Variants in ROBO1 observed in about 807,000 individuals in gnomAD.
ROBO1 encodes the protein roundabout homolog 1.
Under a neutral mutation model 195.9 loss-of-function variants are expected in ROBO1, and 149 were observed. The ratio of observed to expected loss-of-function variants is 0.76; its 90% CI spans 0.67 to 0.87. The LOEUF (loss-of-function observed/expected upper bound fraction) is 0.87, where lower values mean the gene tolerates loss of function less well. Ranked by LOEUF, ROBO1 falls within the 40% of genes least tolerant of loss-of-function variation. The pLI, the probability that ROBO1 is intolerant of heterozygous loss-of-function variation, is 0.00. For synonymous variants in ROBO1, 816 were observed against 733.2 expected (o/e 1.11, Z -1.82); for missense variants, 1,933 against 2,068.3 (o/e 0.93, Z 1.27).
Position 78,635,942 on chromosome 3 carries a change from C to A in ROBO1, c.3204G>T (p.Gly1068=). 6.2e-7 allele frequency: 1 copy of A among 1,613,890 alleles called. No homozygotes were observed. The highest frequency in any genetic ancestry group is 8.5e-7 in the Non-Finnish European group (1 of 1,179,842). The change falls in exon 23 of 31, where the codon GGG becomes GGT. Residue 1068 remains glycine, a synonymous_variant. Coordinates refer to ENST00000464233, the MANE Select transcript of ROBO1 (RefSeq NM_002941.4). ...LKDGRFVNPS[G]QPTPYATTQL... ...GAGTGGTGGCGTAAGGAGTAGGCTG[C>A]CCTGATGGATTGACAAAACGCCCAT...
chr3:79,496,010 G>A (rs1174040245), intron 2 of ROBO1, among the ~76,000 whole-genome samples: 4 of 151,732 alleles, frequency 2.6e-5, no homozygotes, highest in Non-Finnish European at 5.9e-5. Flanking sequence ...TTTAGGAGTT[G>A]GAGACCAGCC....
chr3:79,652,537 C>T (rs938163362), intron 1 of ROBO1, among the ~76,000 whole-genome samples: 8 of 152,178 alleles, frequency 5.3e-5, no homozygotes, highest in Non-Finnish European at 7.4e-5. Flanking sequence ...ACAGGATTAA[C>T]AGAAGAATCT....
At chr3:79,510,810 A>AT (rs1410138835) in intron 2 of ROBO1, among the ~76,000 whole-genome samples, 2 of 152,234 alleles carry the variant, frequency 1.3e-5, no homozygotes, top group East Asian at 3.9e-4. Flanking sequence ...GTATTCTGAC[A>AT]TTTTTGGATT....
chr3:79,330,275 A>G (rs1001990437), intron 2 of ROBO1, among the ~76,000 whole-genome samples: 52 of 144,184 alleles, frequency 3.6e-4, no homozygotes, highest in Non-Finnish European at 6.5e-4. Flanking sequence ...ATATATATGT[A>G]TATATATATA....
At chr3:79,588,678 G>C (rs1174977842) in intron 2 of ROBO1, among the ~76,000 whole-genome samples, 1 of 151,662 alleles carries the variant, frequency 6.6e-6, no homozygotes, top group Non-Finnish European at 1.5e-5. Context: ...ATACTCAACA[G>C]AGTTGTGGCA....
At chr3:79,685,874 G>C (rs1409847413) in intron 1 of ROBO1, among the ~76,000 whole-genome samples, 1 of 152,104 alleles carries the variant, frequency 6.6e-6, no homozygotes, top group African/African-American at 2.4e-5. Context: ...CATTTTATGA[G>C]GCCAGCATCA....
At chr3:79,366,993 T>G (rs1361481635) in intron 2 of ROBO1, among the ~76,000 whole-genome samples, 1 of 152,194 alleles carries the variant, frequency 6.6e-6, no homozygotes, top group Admixed American at 6.5e-5. Context: ...CCATGAAAGC[T>G]CAAATTACAC....
intron 2 of ROBO1, among the ~76,000 whole-genome samples, chr3:79,472,152 T>C (rs1300934088): frequency 1.3e-5 from 2 of 152,060 alleles, no homozygotes; most frequent in Admixed American, 6.6e-5. Flanking sequence ...TGTGCCCAAA[T>C]GAATGCATGG....
In ROBO1 at chr3:78,781,126, A is replaced by G. The variant is rs551074582; in HGVS notation, c.500-34226T>C. 3.3e-5 allele frequency among the ~76,000 whole-genome samples: 5 copies of G among 152,300 alleles called. No homozygotes were observed. In the South Asian group the frequency reaches 1.0e-3, roughly 32 times the overall value. The stretch of plus-strand genomic sequence containing the variant: ...CTACTCTAAAACAACAATGACAACA[A>G]AACAGCACAGTAACCACTTTTTGCC... On this transcript the variant is annotated intron_variant, in intron 4 of 30. Transcript: ENST00000464233.
chr3:79,261,660 A>T (rs931185902), intron 2 of ROBO1, among the ~76,000 whole-genome samples: 9 of 152,086 alleles, frequency 5.9e-5, no homozygotes, highest in African/African-American at 2.2e-4. Context: ...TAAGTTGCTT[A>T]TATAGTTGAT....
intron 2 of ROBO1, among the ~76,000 whole-genome samples, chr3:79,129,015 A>G (rs531150397): frequency 6.6e-6 from 1 of 152,236 alleles, no homozygotes; most frequent in South Asian, 2.1e-4. Flanking sequence ...CAAGGCTTCG[A>G]TTATTTTTCA....
intron 5 of ROBO1, among the ~76,000 whole-genome samples, chr3:78,741,291 G>A (rs190183416): frequency 4.6e-5 from 7 of 152,240 alleles, no homozygotes; most frequent in Admixed American, 4.6e-4. Context: ...ATTGATGCCT[G>A]GAACTTGGTG....
intron 1 of ROBO1, among the ~76,000 whole-genome samples, chr3:79,733,015 T>C (rs1245715037): frequency 9.9e-5 from 15 of 152,172 alleles, no homozygotes; most frequent in Admixed American, 9.8e-4. Context: ...GCCATAGCAG[T>C]CCCCAAAATA....
At chr3:79,025,646 A>T (rs2108287879) in intron 3 of ROBO1, among the ~76,000 whole-genome samples, 1 of 2,700 alleles carries the variant, frequency 3.7e-4, no homozygotes, top group South Asian at 5.5e-3. Flanking sequence ...TCAATAGAGA[A>T]CTAACTGAAT....
chr3:78,666,992 C>T (rs1184291987), intron 14 of ROBO1, among the ~76,000 whole-genome samples: 1 of 151,818 alleles, frequency 6.6e-6, no homozygotes, highest in Non-Finnish European at 1.5e-5. Flanking sequence ...CCTTTCTTTA[C>T]TAATATAAAA....
At chr3:79,196,462 G>A (rs936419061) in intron 2 of ROBO1, among the ~76,000 whole-genome samples, 1 of 151,476 alleles carries the variant, frequency 6.6e-6, no homozygotes, top group African/African-American at 2.4e-5. Flanking sequence ...GAGTGATTGA[G>A]AATAAAAACA....
rs188669697 is a variant in ROBO1 at position 79,368,146 on chromosome 3, T to C, written c.88+221678A>G. ...CAGGATTTCATTGTGTTGGCCAGGC[T>C]GGTCTTAAACAACTGGCCTCAAATG... On this transcript the variant is annotated intron_variant, in intron 2 of 30. Coordinates refer to ENST00000464233, the MANE Select transcript of ROBO1 (RefSeq NM_002941.4). Among the ~76,000 whole-genome samples, 370 of 152,280 alleles carry C rather than the reference T, an allele frequency of 2.4e-3. 2 individuals are homozygous for C. The highest frequency in any genetic ancestry group is 7.6e-3 in the African/African-American group (315 of 41,568).
intron 3 of ROBO1, among the ~76,000 whole-genome samples, chr3:78,970,427 C>T (rs542643994): frequency 4.5e-4 from 68 of 152,166 alleles, no homozygotes; most frequent in African/African-American, 1.5e-3. Context: ...TTATCACAGG[C>T]GTCCAACCTT....
chr3:79,685,144 T>G (rs998260401), intron 1 of ROBO1, among the ~76,000 whole-genome samples: 1 of 152,144 alleles, frequency 6.6e-6, no homozygotes, highest in Non-Finnish European at 1.5e-5. Context: ...ATTTTTGAAG[T>G]CTCTACTCAA....
Sources: gnomAD v4.1 joint callset for allele counts (sites outside exome capture counted in the v4.1 genomes callset) on GRCh38, gnomAD v4.1.1 for gene constraint, MANE v1.5 for transcripts, NCBI Gene and HGNC (gene_info 2026-07-23, HGNC 2026-07-21) for gene names.